RGS12: variants seen among roughly 807,000 people sequenced by gnomAD.
RGS12 encodes the protein regulator of G protein signaling 12, also known as regulator of G-protein signaling 12.
RGS12 carries 66 observed loss-of-function variants against 120.1 expected under a neutral mutation model. The observed-to-expected ratio is 0.55, with a 90% CI of 0.45 to 0.67. The LOEUF is 0.67. Ranked by LOEUF, RGS12 falls within the 30% of genes least tolerant of loss-of-function variation. RGS12 has a pLI of 0.00. For synonymous variants in RGS12, 827 were observed against 804.7 expected, an observed-to-expected ratio of 1.03 and a Z score of -0.47; for missense variants, 1,859 against 1,957.7, an observed-to-expected ratio of 0.95 and a Z score of 0.95.
chr4:3,381,912 C>T (rs1254738723), intron 3 of RGS12, among the ~76,000 whole-genome samples: 1 of 152,132 alleles, frequency 6.6e-6, no homozygotes, highest in African/African-American at 2.4e-5. Context: ...AATGAATATA[C>T]CTGGGAGTGA....
chr4:3,294,436 T>G lies in RGS12; in HGVS notation c.-102+1337T>G, dbSNP rs149955003. ...AATTCTGAGTAAGGGAGAACCAGTT[T>G]ATATTTCACTTTAGAAAGTAATTGT... On this transcript the variant is annotated intron_variant, in intron 1 of 17. Coordinates refer to ENST00000336727, the MANE Select transcript of RGS12 (RefSeq NM_001394154.1). 1.5e-3 allele frequency among the ~76,000 whole-genome samples: 228 copies of G among 151,998 alleles called. 1 individual carries two copies. The highest frequency in any genetic ancestry group is 3.6e-3 in the South Asian group (17 of 4,770).
intron 6 of RGS12, among the ~76,000 whole-genome samples, chr4:3,415,086 T>G (rs117957648): frequency 2.9e-5 from 3 of 101,992 alleles, no homozygotes; most frequent in Admixed American, 1.0e-4. Context: ...GTCGCGTGTG[T>G]GAGGGGCGTG....
chr4:3,438,798 G>A (rs1725051268), intron 17 of RGS12, among the ~76,000 whole-genome samples: 1 of 152,144 alleles, frequency 6.6e-6, no homozygotes, highest in African/African-American at 2.4e-5. Context: ...GGAGCCAGAA[G>A]TGGGGCAAGA....
At chr4:3,345,089 G>A (rs1159489121) in intron 3 of RGS12, among the ~76,000 whole-genome samples, 3 of 152,166 alleles carry the variant, frequency 2.0e-5, no homozygotes, top group African/African-American at 7.2e-5. Flanking sequence ...GGTCAAGAAA[G>A]ACAGCAGTTT....
chr4:3,312,021 T>G (rs992971943), intron 1 of RGS12, among the ~76,000 whole-genome samples: 1 of 152,164 alleles, frequency 6.6e-6, no homozygotes, highest in African/African-American at 2.4e-5. Context: ...GTCAAGGTGA[T>G]TCAGAGTTAG....
At chr4:3,420,328 C>G in intron 9 of RGS12, 1 of 458,226 alleles carries the variant, frequency 2.2e-6, no homozygotes, top group Non-Finnish European at 4.0e-6. Flanking sequence ...ACTGCACGTA[C>G]TGATGTGATT....
At chr4:3,387,194 A>G (rs932565952) in intron 4 of RGS12, among the ~76,000 whole-genome samples, 3 of 152,216 alleles carry the variant, frequency 2.0e-5, no homozygotes, top group African/African-American at 4.8e-5. Context: ...TGCACCTGGC[A>G]TCGCTGTGGG....
At chr4:3,362,615 G>C (rs1202138541) in intron 3 of RGS12, among the ~76,000 whole-genome samples, 2 of 139,136 alleles carry the variant, frequency 1.4e-5, no homozygotes, top group Non-Finnish European at 3.1e-5. Context: ...AGGATGTCGT[G>C]AGGGGGTGTG....
rs149536460 is a variant in RGS12 at position 3,436,127 on chromosome 4, T to TG, written c.4115-3321dup. Among the ~76,000 whole-genome samples, 1,488 of 151,898 alleles carry TG rather than the reference T, an allele frequency of 9.8e-3. 27 individuals carry two copies. The highest frequency in any genetic ancestry group is 0.033 in the African/African-American group (1,373 of 41,430). ...GGGACCCACACGGACAGGGGGACCT[T>TG]GGGGGGGTCACACTCTGGAACTAAG... On this transcript the variant is annotated intron_variant, in intron 17 of 17. Coordinates refer to ENST00000336727, the MANE Select transcript of RGS12 (RefSeq NM_001394154.1).
In RGS12 at chr4:3,439,756, CAG is replaced by C. The variant is rs1027377412; in HGVS notation, c.*73_*74del. ...CAGCCCAGGTGGATTCTGTGGGCCT[CAG>C]GGGGGCCACCCTGGCCACCACACCC... On this transcript the variant is annotated 3_prime_UTR_variant, in exon 18 of 18. Coordinates refer to ENST00000336727, the MANE Select transcript of RGS12 (RefSeq NM_001394154.1). 5.1e-6 allele frequency: 7 copies of C among 1,377,680 alleles called. No individual in the cohort carries two copies. The highest frequency in any genetic ancestry group is 4.5e-5 in the African/African-American group (3 of 67,306). The allele number at this position is 1,377,680 out of a possible 1,614,324, so 85.3% of individuals were successfully genotyped here. A position where few individuals can be genotyped will look rare whatever the true frequency, so the allele number is the denominator to read the frequency against.
intron 1 of RGS12, among the ~76,000 whole-genome samples, chr4:3,307,764 C>T (rs1219142088): frequency 1.3e-5 from 2 of 152,224 alleles, no homozygotes; most frequent in Non-Finnish European, 2.9e-5. Flanking sequence ...CAGCCTGTTT[C>T]CTTGTGTTAG....
intron 3 of RGS12, among the ~76,000 whole-genome samples, chr4:3,363,697 G>C (rs1715976861): frequency 6.6e-6 from 1 of 151,798 alleles, no homozygotes; most frequent in African/African-American, 2.4e-5. Context: ...CGGCCCTCCT[G>C]GGTTGGGGCA....
At chr4:3,319,366 A>G (rs935826109) in intron 2 of RGS12, among the ~76,000 whole-genome samples, 3 of 152,186 alleles carry the variant, frequency 2.0e-5, no homozygotes, top group African/African-American at 2.4e-5. Flanking sequence ...CACTGATAAC[A>G]TTTTGATGTA....
At chr4:3,401,521 G>C (rs1480461692) in intron 4 of RGS12, among the ~76,000 whole-genome samples, 1 of 151,362 alleles carries the variant, frequency 6.6e-6, no homozygotes, top group South Asian at 2.1e-4. Flanking sequence ...TAAGTAACTC[G>C]TAAGTTACTT....
chr4:3,371,576 A>G (rs1013380104), intron 3 of RGS12, among the ~76,000 whole-genome samples: 2 of 152,142 alleles, frequency 1.3e-5, no homozygotes, highest in African/African-American at 4.8e-5. Context: ...CTGGCAGATA[A>G]GTTGTTCACG....
In RGS12 at chr4:3,423,074, G is replaced by T. The variant is rs1263142954; in HGVS notation, c.3107+96G>T. 4 of 947,216 alleles carry T rather than the reference G, an allele frequency of 4.2e-6. No individual in the cohort carries two copies. The African/African-American group carries it at 4.9e-5, about 12-fold the overall frequency. 58.7% of individuals were successfully genotyped at this position (947,216 alleles called of 1,614,324 possible). On this transcript the variant is annotated intron_variant, in intron 12 of 17. Transcript: ENST00000336727. Reference sequence around the variant, plus strand: ...CTCTGCGCTTAGCGGGCGGCCTGTGGATGCTCCATGCTGGGCTACGATGGG... The same window carrying T: ...CTCTGCGCTTAGCGGGCGGCCTGTGTATGCTCCATGCTGGGCTACGATGGG...
rs894433620 is a variant in RGS12 at position 3,436,291 on chromosome 4, C to T, written c.4115-3164C>T. ...GAGCCACAGTGGATTGTAGGGTCCCCGCCTCTGGCTCCCCTCGCTCCCCCC... is the reference window on the plus strand; with the variant it reads ...GAGCCACAGTGGATTGTAGGGTCCCTGCCTCTGGCTCCCCTCGCTCCCCCC... On this transcript the variant is annotated intron_variant, in intron 17 of 17. Transcript: ENST00000336727. 3.3e-5 allele frequency among the ~76,000 whole-genome samples: 5 copies of T among 152,114 alleles called. No individual in the cohort carries two copies. The South Asian group carries it at 6.2e-4, about 19-fold the overall frequency.
chr4:3,343,057 A>C lies in RGS12; in HGVS notation c.1998+4A>C. ...TCGCTCCCTTGATGATCTTGAGGTA[A>C]TTTAATTTTCATTTTTCTTCTTTTC... On this transcript the variant is annotated splice_donor_region_variant and intron_variant, in intron 3 of 17. Transcript: ENST00000336727. 2 of 1,588,716 alleles carry C rather than the reference A, an allele frequency of 1.3e-6. No homozygotes were observed. The highest frequency in any genetic ancestry group is 1.7e-6 in the Non-Finnish European group (2 of 1,158,636).
intron 4 of RGS12, among the ~76,000 whole-genome samples, chr4:3,395,427 A>G (rs777162081): frequency 1.3e-5 from 2 of 152,194 alleles, no homozygotes; most frequent in East Asian, 3.8e-4. Context: ...GGTGCCATAT[A>G]ACATGCTTGT....
Sources: allele counts gnomAD v4.1 joint callset (sites outside exome capture counted in the v4.1 genomes callset), GRCh38; gene constraint gnomAD v4.1.1; transcripts MANE v1.5; gene names NCBI Gene and HGNC (gene_info 2026-07-23, HGNC 2026-07-21).